The following LRP1B variants were observed in gnomAD, a reference collection of about 807,000 sequenced individuals.
LRP1B encodes low-density lipoprotein receptor-related protein 1B.
Under a neutral mutation model 556.6 loss-of-function variants are expected in LRP1B, and 217 were observed. The ratio of observed to expected loss-of-function variants is 0.39; its 90% confidence interval spans 0.35 to 0.44. The LOEUF (loss-of-function observed/expected upper bound fraction) is 0.44, where lower values mean the gene tolerates loss of function less well. Ranked by LOEUF, LRP1B falls within the 20% of genes least tolerant of loss-of-function variation. The pLI, the probability that LRP1B is intolerant of heterozygous loss-of-function variation, is 1.00. For synonymous variants in LRP1B, 2,047 were observed against 1,865.8 expected, an observed-to-expected ratio of 1.10 and a Z score of -2.50; for missense variants, 5,053 against 5,620.8, an observed-to-expected ratio of 0.90 and a Z score of 3.23.
At chr2:142,085,011 G>C (rs1255896136) in intron 1 of LRP1B, among the ~76,000 whole-genome samples, 1 of 152,106 alleles carries the variant, frequency 6.6e-6, no homozygotes, top group African/African-American at 2.4e-5. Context: ...TAAAGTCCAA[G>C]CTCTTTAATC....
At chr2:140,524,028 G>A in intron 49 of LRP1B, among the ~76,000 whole-genome samples, 1 of 151,634 alleles carries the variant, frequency 6.6e-6, no homozygotes, top group African/African-American at 2.4e-5. Flanking sequence ...ACTATCAACA[G>A]AGTAAACAGG....
At chr2:140,569,526 C>T (rs368308604) in intron 43 of LRP1B, among the ~76,000 whole-genome samples, 3 of 151,514 alleles carry the variant, frequency 2.0e-5, no homozygotes, top group East Asian at 1.9e-4. Flanking sequence ...ATATATACAC[C>T]CAACATTAGA....
chr2:142,038,181 G>A (rs761931340), intron 1 of LRP1B, among the ~76,000 whole-genome samples: 1 of 151,584 alleles, frequency 6.6e-6, no homozygotes, highest in Non-Finnish European at 1.5e-5. Flanking sequence ...TTTACATGAT[G>A]TCTGAACTTG....
In LRP1B at chr2:142,059,278, G is replaced by A. The variant is rs75292341; in HGVS notation, c.82+71370C>T. 2.0e-5 allele frequency among the ~76,000 whole-genome samples: 3 copies of A among 152,020 alleles called. No individual in the cohort carries two copies. In the South Asian group the frequency reaches 6.2e-4, roughly 32 times the overall value. On this transcript the variant is annotated intron_variant, in intron 1 of 90. Coordinates refer to ENST00000389484, the MANE Select transcript of LRP1B (RefSeq NM_018557.3). ...AAAAGTCATAATGACAATCTGAAAT[G>A]AGTGAATTTTTTGGTATGGAAATTA... is the stretch of plus-strand genomic sequence containing the variant.
intron 11 of LRP1B, among the ~76,000 whole-genome samples, chr2:141,038,736 T>C (rs759181742): frequency 2.6e-5 from 4 of 152,078 alleles, no homozygotes; most frequent in Middle Eastern, 3.2e-3. Flanking sequence ...AGCAATAGTT[T>C]AATTGTAGTT....
intron 86 of LRP1B, among the ~76,000 whole-genome samples, chr2:140,255,264 C>T (rs1210209600): frequency 6.6e-6 from 1 of 152,114 alleles, no homozygotes; most frequent in East Asian, 1.9e-4. Context: ...GATTACTTTT[C>T]CTAGACCCAA....
intron 2 of LRP1B, among the ~76,000 whole-genome samples, 167 bp downstream of exon 2, chr2:141,810,112 A>AAAAAG (rs1491220604): frequency 1.9e-5 from 1 of 53,796 alleles, no homozygotes; most frequent in Non-Finnish European, 3.4e-5. Flanking sequence ...AGAAAGAAAG[A>AAAAAG]AAAAGAAAGA....
intron 3 of LRP1B, among the ~76,000 whole-genome samples, chr2:141,397,282 T>C (rs1275424319): frequency 6.6e-6 from 1 of 151,876 alleles, no homozygotes; most frequent in Non-Finnish European, 1.5e-5. Flanking sequence ...TGAACTTTTC[T>C]TCCTTCTTTC....
chr2:140,793,155 T>C (rs1690181480), intron 32 of LRP1B, among the ~76,000 whole-genome samples: 1 of 152,018 alleles, frequency 6.6e-6, no homozygotes, highest in South Asian at 2.1e-4. Context: ...CTTTAAACTT[T>C]TTTTATTGTA....
chr2:140,868,013 G>A (rs2105155306), intron 26 of LRP1B, 86 bp downstream of exon 26: 1 of 1,406,430 alleles, frequency 7.1e-7, no homozygotes, highest in Admixed American at 2.3e-5. Flanking sequence ...ATGTATACAT[G>A]ATACTGACAT....
intron 2 of LRP1B, among the ~76,000 whole-genome samples, chr2:141,561,560 C>G (rs973583193): frequency 1.3e-5 from 2 of 151,774 alleles, no homozygotes; most frequent in African/African-American, 4.8e-5. Context: ...TTTACAATGA[C>G]CTGGCCATTT....
chr2:140,435,925 A>G (rs1321503975), intron 66 of LRP1B, among the ~76,000 whole-genome samples: 1 of 152,014 alleles, frequency 6.6e-6, no homozygotes, highest in Non-Finnish European at 1.5e-5. Flanking sequence ...TCAATGCAAA[A>G]TAAATGCCAT....
intron 31 of LRP1B, among the ~76,000 whole-genome samples, chr2:140,824,375 T>G (rs535309647): frequency 6.6e-6 from 1 of 152,136 alleles, no homozygotes; most frequent in Admixed American, 6.5e-5. Context: ...CTGTAAAAAT[T>G]TTTTGATTTC....
intron 2 of LRP1B, among the ~76,000 whole-genome samples, chr2:141,664,185 A>T (rs1690334262): frequency 6.6e-6 from 1 of 152,204 alleles, no homozygotes; most frequent in Admixed American, 6.5e-5. Context: ...ATAAAATTCA[A>T]TGTCCCTTCA....
Position 140,325,987 on chromosome 2 carries a change from A to G in LRP1B, c.12224-109T>C, listed in dbSNP as rs970380722. ...TTACACTTGACATTTGTCTTCAAGC[A>G]TCATAGAAATTACCTGGTGCCCATC... On this transcript the variant is annotated intron_variant, in intron 79 of 90. Transcript: ENST00000389484. The G allele has an allele frequency of 1.9e-5, 13 of 679,586 alleles. No individual in the cohort carries two copies. In the South Asian group the frequency reaches 1.9e-4, roughly 10 times the overall value. The allele number at this position is 679,586 out of a possible 1,614,324, so 42.1% of individuals were successfully genotyped here.
intron 2 of LRP1B, among the ~76,000 whole-genome samples, chr2:141,482,942 G>T (rs1682975984): frequency 3.7e-5 from 1 of 26,946 alleles, no homozygotes; most frequent in African/African-American, 5.5e-5. Flanking sequence ...AAGATTTTTT[G>T]TTTTGTTTTG....
In LRP1B at chr2:140,424,295, C is replaced by T. The variant is rs966667940; in HGVS notation, c.10414+18209G>A. Among the ~76,000 whole-genome samples the T allele has an allele frequency of 2.0e-5, 3 of 152,216 alleles. No homozygotes were observed. In the East Asian group the frequency reaches 5.8e-4, roughly 29 times the overall value. On this transcript the variant is annotated intron_variant, in intron 66 of 90. Coordinates refer to ENST00000389484, the MANE Select transcript of LRP1B (RefSeq NM_018557.3). ...TTAAAATTACGAAGTATTTAAAATT[C>T]TTCTCAAATTTCAAAGGAGAGTTAA...
chr2:140,577,411 CCA>C (rs1558979341), intron 43 of LRP1B, among the ~76,000 whole-genome samples: 1 of 144,050 alleles, frequency 6.9e-6, no homozygotes, highest in Non-Finnish European at 1.5e-5. Flanking sequence ...TGAACTTTAT[CCA>C]CTACTGAATT....
At chr2:140,501,248 CCA>C (rs1282324141) in intron 55 of LRP1B, among the ~76,000 whole-genome samples, 2 of 151,862 alleles carry the variant, frequency 1.3e-5, no homozygotes, top group African/African-American at 2.4e-5. Flanking sequence ...TCCTAATAAT[CCA>C]CAGTTTATGG....
Sources: allele counts gnomAD v4.1 joint callset (sites outside exome capture counted in the v4.1 genomes callset), GRCh38; gene constraint gnomAD v4.1.1; transcripts MANE v1.5; gene names NCBI Gene and HGNC (gene_info 2026-07-23, HGNC 2026-07-21).